Variants in ELP4 observed in about 807,000 individuals in gnomAD.
The protein encoded by ELP4 is elongator acetyltransferase complex subunit 4.
ELP4 carries 51 observed loss-of-function variants against 48.9 expected under a neutral mutation model. The ratio of observed to expected loss-of-function variants is 1.04; its 90% CI spans 0.83 to 1.32. The LOEUF is 1.32. Ranked by LOEUF, ELP4 falls within the 40% of genes most tolerant of loss-of-function variation. ELP4 has a pLI of 0.00. For synonymous variants in ELP4, 210 were observed against 189.2 expected, an observed-to-expected ratio of 1.11 and a Z score of -0.90; for missense variants, 519 against 514.6, an observed-to-expected ratio of 1.01 and a Z score of -0.08.
intron 9 of ELP4, chr11:31,719,942 A>G (rs974368347): frequency 6.5e-6 from 1 of 153,244 alleles, no homozygotes. Flanking sequence ...TCACAATAAA[A>G]TATTGGGAAC....
At chr11:31,677,666 A>G (rs755823082) in intron 9 of ELP4, among the ~76,000 whole-genome samples, 3 of 152,210 alleles carry the variant, frequency 2.0e-5, no homozygotes, top group Non-Finnish European at 4.4e-5. Context: ...ATGGAATGAA[A>G]TACTTAACAT....
At chr11:31,592,119 G>T (rs1481279711) in intron 3 of ELP4, among the ~76,000 whole-genome samples, 1 of 152,140 alleles carries the variant, frequency 6.6e-6, no homozygotes, top group South Asian at 2.1e-4. Flanking sequence ...TTCTAAATGG[G>T]TGTGCAGTTT....
At chr11:31,514,793 G>T (rs968981207) in intron 1 of ELP4, among the ~76,000 whole-genome samples, 1 of 151,964 alleles carries the variant, frequency 6.6e-6, no homozygotes, top group African/African-American at 2.4e-5. Context: ...GTGATTGGTT[G>T]GTTGTTTTAG....
rs553562058 is a variant in ELP4 at position 31,694,339 on chromosome 11, A to G, written c.1143+44118A>G. On this transcript the variant is annotated intron_variant, in intron 9 of 9. Coordinates refer to ENST00000640961, the MANE Select transcript of ELP4 (RefSeq NM_019040.5). Reference sequence around the variant, plus strand: ...TAATCCAGCTTGAATTAATTTTTGTATAAGGTGTAAGGAAGGGGTCCAGTT... The same window carrying G: ...TAATCCAGCTTGAATTAATTTTTGTGTAAGGTGTAAGGAAGGGGTCCAGTT... 4.6e-5 allele frequency among the ~76,000 whole-genome samples: 7 copies of G among 152,274 alleles called. No individual in the cohort carries two copies. The South Asian group carries it at 1.5e-3, about 32-fold the overall frequency.
intron 5 of ELP4, among the ~76,000 whole-genome samples, chr11:31,616,560 C>A (rs1944488076): frequency 1.3e-5 from 2 of 151,842 alleles, no homozygotes; most frequent in African/African-American, 4.8e-5. Context: ...ACAATAAAAG[C>A]AAAAATAGAC....
At chr11:31,611,601 A>T (rs923321766) in intron 5 of ELP4, among the ~76,000 whole-genome samples, 21 of 152,344 alleles carry the variant, frequency 1.4e-4, no homozygotes, top group African/African-American at 5.1e-4. Flanking sequence ...TACTGAAGTA[A>T]GTAAACATAA....
At chr11:31,709,484 T>C (rs986694144) in intron 9 of ELP4, among the ~76,000 whole-genome samples, 2 of 152,162 alleles carry the variant, frequency 1.3e-5, no homozygotes, top group African/African-American at 4.8e-5. Flanking sequence ...TACTCTGTAA[T>C]GATACCAAGT....
At chr11:31,577,781 G>A (rs1323074829) in intron 3 of ELP4, among the ~76,000 whole-genome samples, 2 of 152,134 alleles carry the variant, frequency 1.3e-5, no homozygotes, top group African/African-American at 4.8e-5. Flanking sequence ...ACTAGGTATT[G>A]ATGGGACGTA....
intron 3 of ELP4, among the ~76,000 whole-genome samples, chr11:31,594,111 C>T (rs1387449685): frequency 6.6e-6 from 1 of 152,042 alleles, no homozygotes; most frequent in Admixed American, 6.5e-5. Context: ...TCTTTGAATT[C>T]TTTCTATAGT....
chr11:31,521,633 C>T (rs1017697135), intron 2 of ELP4, among the ~76,000 whole-genome samples: 3 of 151,944 alleles, frequency 2.0e-5, no homozygotes, highest in Non-Finnish European at 4.4e-5. Flanking sequence ...ATGAAGGAAT[C>T]CTTGATAAAT....
chr11:31,765,559 A>G (rs1000823362), intron 9 of ELP4, among the ~76,000 whole-genome samples: 7 of 152,154 alleles, frequency 4.6e-5, no homozygotes, highest in African/African-American at 1.7e-4. Flanking sequence ...TACTTTTATT[A>G]TAAGTAGCAT....
chr11:31,546,988 G>A (rs1310707394), intron 3 of ELP4, among the ~76,000 whole-genome samples: 1 of 151,976 alleles, frequency 6.6e-6, no homozygotes, highest in Non-Finnish European at 1.5e-5. Flanking sequence ...TCAAAGCAGT[G>A]TGTAGAGGGA....
chr11:31,767,810 T>A (rs1254639720), intron 9 of ELP4: 1 of 152,178 alleles, frequency 6.6e-6, no homozygotes, highest in Admixed American at 6.5e-5. Flanking sequence ...TGGAGTTAGG[T>A]CCTCATCTCT....
Position 31,688,873 on chromosome 11 carries a change from G to T in ELP4, c.1143+38652G>T, listed in dbSNP as rs568776782. ...ACAAATTTGTGAGGATTTGAGGGGG[G>T]AAAATCAGGGGACTTCCTGTTTGCA... On this transcript the variant is annotated intron_variant, in intron 9 of 9. Coordinates refer to ENST00000640961, the MANE Select transcript of ELP4 (RefSeq NM_019040.5). 9.9e-5 allele frequency among the ~76,000 whole-genome samples: 15 copies of T among 152,206 alleles called. No homozygotes were observed. In the South Asian group the frequency reaches 3.1e-3, roughly 32 times the overall value.
At chr11:31,533,859 G>A (rs548947033) in intron 2 of ELP4, among the ~76,000 whole-genome samples, 3 of 150,816 alleles carry the variant, frequency 2.0e-5, no homozygotes, top group African/African-American at 7.3e-5. Flanking sequence ...TGTTTGAGAC[G>A]GAGTCTCACT....
intron 3 of ELP4, among the ~76,000 whole-genome samples, chr11:31,574,167 A>G (rs1212643461): frequency 6.6e-6 from 1 of 152,222 alleles, no homozygotes; most frequent in East Asian, 1.9e-4. Context: ...TGAGAATGCT[A>G]GTAACATAAG....
At chr11:31,677,057 C>G (rs1391178015) in intron 9 of ELP4, among the ~76,000 whole-genome samples, 1 of 152,136 alleles carries the variant, frequency 6.6e-6, no homozygotes, top group African/African-American at 2.4e-5. Context: ...GCAGTATAGG[C>G]TTAGCTCATT....
chr11:31,695,833 C>G (rs4922877), intron 9 of ELP4, among the ~76,000 whole-genome samples: 115,748 of 124,744 alleles, frequency 0.93, 54,389 homozygotes, highest in South Asian at 1. Context: ...TGATTATTGC[C>G]TCAATTTCAG....
At chr11:31,661,898 A>G (rs565698847) in intron 9 of ELP4, among the ~76,000 whole-genome samples, 21 of 152,206 alleles carry the variant, frequency 1.4e-4, no homozygotes, top group Non-Finnish European at 2.4e-4. Flanking sequence ...TGGATATTCT[A>G]CAATTTTATT....
Sources: gnomAD v4.1 joint callset for allele counts (sites outside exome capture counted in the v4.1 genomes callset) on GRCh38, gnomAD v4.1.1 for gene constraint, MANE v1.5 for transcripts, NCBI Gene and HGNC (gene_info 2026-07-23, HGNC 2026-07-21) for gene names.